UNC13B: variants seen among roughly 807,000 people sequenced by gnomAD.
UNC13B encodes the protein protein unc-13 homolog B.
In UNC13B, 144 loss-of-function variants were observed where a neutral mutation model predicts 211.0. The ratio of observed to expected loss-of-function variants is 0.68; its 90% confidence interval spans 0.60 to 0.78. UNC13B has a LOEUF of 0.78. UNC13B is among the 30% of genes least tolerant of loss of function. UNC13B has a pLI of 0.00. For synonymous variants in UNC13B, 709 were observed against 725.8 expected (o/e 0.98, Z 0.37); for missense variants, 1,777 against 2,002.0 (o/e 0.89, Z 2.14).
intron 11 of UNC13B, among the ~76,000 whole-genome samples, chr9:35,348,085 C>A (rs1159110539): frequency 6.6e-6 from 1 of 152,082 alleles, no homozygotes. Context: ...AAAACAAAAA[C>A]AAAAACAAAA....
At chr9:35,349,910 T>A (rs1832607589) in intron 11 of UNC13B, among the ~76,000 whole-genome samples, 1 of 152,186 alleles carries the variant, frequency 6.6e-6, no homozygotes, top group South Asian at 2.1e-4. Context: ...TAAGGCATTT[T>A]CCCACTTTTA....
rs572387442 is a variant in UNC13B, at chr9:35,273,359, C to T, written c.526+14309C>T. On this transcript the variant is annotated intron_variant, in intron 7 of 39. Coordinates refer to ENST00000635942, the MANE Select transcript of UNC13B (RefSeq NM_001371189.2). ...TACCTTTCCTCATTTTCAACTCTTACTGTCAAATGTCCTGGTCCTAGTGTC... is the reference window on the plus strand; with the variant it reads ...TACCTTTCCTCATTTTCAACTCTTATTGTCAAATGTCCTGGTCCTAGTGTC... 3.9e-5 allele frequency among the ~76,000 whole-genome samples: 6 copies of T among 152,302 alleles called. No homozygotes were observed. The South Asian group carries it at 1.2e-3, about 32-fold the overall frequency.
chr9:35,397,058 G>A (rs1835930359), intron 28 of UNC13B, 109 bp from the exon 29 acceptor site: 3 of 1,597,014 alleles, frequency 1.9e-6, no homozygotes, highest in Middle Eastern at 1.8e-4. Flanking sequence ...TCACAGGAGG[G>A]CTGTTGAGGG....
intron 11 of UNC13B, chr9:35,353,859 C>T: frequency 8.6e-7 from 1 of 1,162,476 alleles, no homozygotes; most frequent in Non-Finnish European, 1.1e-6. Context: ...AAAGTATGAC[C>T]TCCATCTGGC....
intron 11 of UNC13B, among the ~76,000 whole-genome samples, chr9:35,318,372 C>T (rs1830570022): frequency 6.6e-6 from 1 of 152,058 alleles, no homozygotes; most frequent in Non-Finnish European, 1.5e-5. Context: ...AGCACAACAC[C>T]AAGGATTTTT....
chr9:35,185,905 G>A (rs1487021320), intron 1 of UNC13B, among the ~76,000 whole-genome samples: 2 of 150,050 alleles, frequency 1.3e-5, no homozygotes, highest in Non-Finnish European at 3.0e-5. Flanking sequence ...GCGACAGAGC[G>A]AGACTCTACC....
chr9:35,292,502 T>C (rs1327032216), intron 7 of UNC13B, among the ~76,000 whole-genome samples: 1 of 152,204 alleles, frequency 6.6e-6, no homozygotes, highest in East Asian at 1.9e-4. Flanking sequence ...CTTCACCTAT[T>C]AAAAATGAAC....
chr9:35,220,437 C>T (rs571594295), intron 1 of UNC13B, among the ~76,000 whole-genome samples: 1 of 151,370 alleles, frequency 6.6e-6, no homozygotes, highest in East Asian at 1.9e-4. Flanking sequence ...CCCCCAACTA[C>T]TCTTTCTAGT....
At position 35,353,779 on chromosome 9, in the gene UNC13B, A is replaced by G. The variant is rs1442844986; in HGVS notation, c.9415-13168A>G. 5 of 1,232,064 alleles carry G rather than the reference A, an allele frequency of 4.1e-6. No homozygotes were observed. In the African/African-American group the frequency reaches 6.2e-5, roughly 15 times the overall value. The allele number at this position is 1,232,064 out of a possible 1,614,324, so 76.3% of individuals were successfully genotyped here. ...TTCTGCATGAGCTAGTACAGAAGGCAAACCGTCTCTCAGTAGAAGACATAC... is the reference window on the plus strand; with the variant it reads ...TTCTGCATGAGCTAGTACAGAAGGCGAACCGTCTCTCAGTAGAAGACATAC... On this transcript the variant is annotated intron_variant, in intron 11 of 39. Transcript: ENST00000635942.
chr9:35,344,115 A>G (rs1435715855), intron 11 of UNC13B, among the ~76,000 whole-genome samples: 1 of 152,126 alleles, frequency 6.6e-6, no homozygotes, highest in Non-Finnish European at 1.5e-5. Flanking sequence ...AACTCGGGGT[A>G]GGGGATGGGA....
At chr9:35,309,647 A>T (rs759179096) in intron 9 of UNC13B, among the ~76,000 whole-genome samples, 125 of 152,310 alleles carry the variant, frequency 8.2e-4, no homozygotes, top group Non-Finnish European at 1.6e-3. Context: ...ATATGGGAAT[A>T]CAGGTGATTG....
chr9:35,180,404 T>C (rs993067323), intron 1 of UNC13B, among the ~76,000 whole-genome samples: 3 of 152,224 alleles, frequency 2.0e-5, no homozygotes, highest in African/African-American at 7.2e-5. Context: ...TGAATGAAAC[T>C]AAAGATATAT....
At position 35,304,196 on chromosome 9, in the gene UNC13B, T is replaced by G. The variant is rs1218440528; in HGVS notation, c.4792T>G (p.Phe1598Val). The part of the protein sequence containing the change: ...FKVLDKEDEI[F>V]WYVEEEPIDD... Reference sequence around the variant, plus strand: ...AGTACTTGATAAGGAAGATGAAATATTTTGGTATGTTGAAGAGGAACCAAT... The same window carrying G: ...AGTACTTGATAAGGAAGATGAAATAGTTTGGTATGTTGAAGAGGAACCAAT... The change falls in exon 9 of 40, where the codon TTT becomes GTT. Residue 1598 changes from phenylalanine to valine, a missense_variant. Coordinates refer to ENST00000635942, the MANE Select transcript of UNC13B (RefSeq NM_001371189.2). 5.0e-6 allele frequency: 2 copies of G among 398,716 alleles called. No individual in the cohort carries two copies. The highest frequency in any genetic ancestry group is 8.9e-6 in the Non-Finnish European group (2 of 225,906). 24.7% of individuals were successfully genotyped at this position (398,716 alleles called of 1,614,324 possible). A position where few individuals can be genotyped will look rare whatever the true frequency, so the allele number is the denominator to read the frequency against.
At chr9:35,167,011 A>C (rs1821073386) in intron 1 of UNC13B, among the ~76,000 whole-genome samples, 1 of 152,198 alleles carries the variant, frequency 6.6e-6, no homozygotes, top group Non-Finnish European at 1.5e-5. Context: ...GCCCAACACA[A>C]ATTTGTAAAC....
At chr9:35,188,111 G>A (rs1052992342) in intron 1 of UNC13B, among the ~76,000 whole-genome samples, 42 of 152,296 alleles carry the variant, frequency 2.8e-4, no homozygotes, top group African/African-American at 8.9e-4. Context: ...CTTTGTGAGT[G>A]CAGTCCATTT....
Position 35,378,324 on chromosome 9 carries a change from G to A in UNC13B, c.10093G>A (p.Asp3365Asn). 1 of 1,614,150 alleles carries A rather than the reference G, an allele frequency of 6.2e-7. No homozygotes were observed. Among genetic ancestry groups the A allele is most frequent in the Non-Finnish European group, 8.5e-7 (1 of 1,180,026 alleles). Residue 3365 changes from aspartate to asparagine, a missense_variant, in exon 17 of 40, where the codon GAC becomes AAC. Physicochemically the swap from Asp to Asn is conservative, Grantham distance 23. Transcript: ENST00000635942. ...VVCAQGLQAKDKTGSSDPYVT... is the reference protein window; with the variant it reads ...VVCAQGLQAKNKTGSSDPYVT... ...GTGTGCCCAGGGCCTACAAGCCAAG[G>A]ACAAAACAGGATCCAGTGACCCTTA...
At chr9:35,274,024 G>A (rs34952984) in intron 7 of UNC13B, among the ~76,000 whole-genome samples, 4,557 of 152,174 alleles carry the variant, frequency 0.03, 107 homozygotes, top group Non-Finnish European at 0.043. Flanking sequence ...TCATGCCAGA[G>A]AACACCATCT....
chr9:35,255,060 ATT>A (rs1826790748), intron 6 of UNC13B, among the ~76,000 whole-genome samples: 1 of 112,186 alleles, frequency 8.9e-6, no homozygotes, highest in African/African-American at 3.3e-5. Context: ...TATAATATAT[ATT>A]ATGTATAATA....
At chr9:35,255,848 C>A (rs960538955) in intron 6 of UNC13B, among the ~76,000 whole-genome samples, 23 of 152,138 alleles carry the variant, frequency 1.5e-4, no homozygotes, top group African/African-American at 5.1e-4. Context: ...GTTAGTCCTG[C>A]AAAGGCAGAC....
Sources: gnomAD v4.1 joint callset for allele counts (sites outside exome capture counted in the v4.1 genomes callset) on GRCh38, gnomAD v4.1.1 for gene constraint, MANE v1.5 for transcripts, NCBI Gene and HGNC (gene_info 2026-07-23, HGNC 2026-07-21) for gene names.